Variants in SCLT1 observed in about 807,000 individuals in gnomAD.
SCLT1 encodes the protein sodium channel-associated protein 1.
Under a neutral mutation model 112.8 loss-of-function variants are expected in SCLT1, and 78 were observed. That is an observed-to-expected ratio of 0.69 (90% CI 0.58 to 0.83). The LOEUF (loss-of-function observed/expected upper bound fraction) is 0.83, where lower values mean the gene tolerates loss of function less well. Ranked by LOEUF, SCLT1 falls within the 40% of genes least tolerant of loss-of-function variation. The pLI is 0.00. For missense variants in SCLT1, 747 were observed against 770.4 expected, an observed-to-expected ratio of 0.97 and a Z score of 0.36; for synonymous variants, 257 against 254.7, an observed-to-expected ratio of 1.01 and a Z score of -0.09.
chr4:128,998,570 AATG>A (rs1265511030), intron 7 of SCLT1, among the ~76,000 whole-genome samples: 2 of 151,908 alleles, frequency 1.3e-5, no homozygotes. Flanking sequence ...ATAGTAAAAG[AATG>A]ATATTATTCA....
At chr4:129,039,627 C>T (rs115360243) in intron 4 of SCLT1, 3,727 of 157,126 alleles carry the variant, frequency 0.024, 72 homozygotes, top group South Asian at 0.077. Flanking sequence ...CCATACAAGG[C>T]GCTAAGGTAA....
intron 5 of SCLT1, among the ~76,000 whole-genome samples, chr4:129,025,789 T>C (rs1746005602): frequency 6.6e-6 from 1 of 151,934 alleles, no homozygotes; most frequent in Admixed American, 6.6e-5. Flanking sequence ...ATCAGTGTGC[T>C]GTATTCAGGA....
intron 17 of SCLT1, among the ~76,000 whole-genome samples, chr4:128,939,784 C>T (rs1232380285): frequency 3.3e-5 from 5 of 152,148 alleles, no homozygotes; most frequent in Non-Finnish European, 7.3e-5. Flanking sequence ...GCCAACTGAC[C>T]TCCCAATATC....
chr4:128,982,430 T>A (rs1579588889), intron 9 of SCLT1, among the ~76,000 whole-genome samples: 1 of 152,212 alleles, frequency 6.6e-6, no homozygotes, highest in African/African-American at 2.4e-5. Context: ...AATAAATTGA[T>A]TGGACAAATT....
intron 3 of SCLT1, 85 bp from the exon 4 acceptor site, chr4:129,043,552 A>C: frequency 1.6e-6 from 1 of 634,362 alleles, no homozygotes; most frequent in African/African-American, 1.9e-5. Context: ...TACACATAAA[A>C]ATTTTATGTT....
rs1748794515 is a variant in SCLT1, at chr4:129,051,564, C to T, written c.103-7513G>A. On this transcript the variant is annotated intron_variant, in intron 2 of 20. Transcript: ENST00000281142. ...GTGTAGAGGAATGCTTGGATTTTTG[C>T]ACATTGATTTTGTATCCTGAGACTT... 2.0e-5 allele frequency among the ~76,000 whole-genome samples: 3 copies of T among 152,120 alleles called. No homozygotes were observed. In the South Asian group the frequency reaches 6.2e-4, roughly 31 times the overall value.
chr4:129,091,279 T>C (rs545830457), intron 1 of SCLT1, among the ~76,000 whole-genome samples: 1 of 152,108 alleles, frequency 6.6e-6, no homozygotes, highest in East Asian at 1.9e-4. Flanking sequence ...AAATCAGTTA[T>C]TTTAAGCCTT....
At chr4:128,885,343 C>A (rs897922617) in intron 20 of SCLT1, among the ~76,000 whole-genome samples, 1 of 152,126 alleles carries the variant, frequency 6.6e-6, no homozygotes, top group Admixed American at 6.5e-5. Context: ...CAGATACAAC[C>A]ACTATTTCCA....
At chr4:128,983,879 T>C (rs1256534217) in intron 9 of SCLT1, among the ~76,000 whole-genome samples, 4 of 152,190 alleles carry the variant, frequency 2.6e-5, no homozygotes, top group Admixed American at 6.5e-5. Context: ...GGCATGGCTA[T>C]ATAGAGCATC....
intron 5 of SCLT1, among the ~76,000 whole-genome samples, chr4:129,021,023 A>C (rs1745423020): frequency 6.6e-6 from 1 of 152,194 alleles, no homozygotes; most frequent in African/African-American, 2.4e-5. Context: ...CGCAGAAGGA[A>C]GATGATTTCT....
Position 128,952,824 on chromosome 4 carries a change from T to G in SCLT1, c.1163A>C (p.Lys388Thr), listed in dbSNP as rs1432703968. ...RTKKEVANTK[K>T]QCNIQISRLT... ...TCGAGAAATTTGTATATTACATTGT[T>G]TTTTGGTGTTTGCAACCTGTAAATT... Residue 388 changes from lysine to threonine, a missense_variant, in exon 14 of 21, where the codon AAA becomes ACA. Around this residue, in one of 2 missense-constraint regions of SCLT1, gnomAD observed 723 missense variants for 721.3 expected, o/e 1.00. Transcript: ENST00000281142. The G allele has an allele frequency of 1.3e-6, 2 of 1,559,404 alleles. No homozygotes were observed. Among genetic ancestry groups the G allele is most frequent in the Admixed American group, 1.7e-5 (1 of 59,882 alleles).
intron 2 of SCLT1, among the ~76,000 whole-genome samples, chr4:129,060,172 CTGTT>C (rs1409550828): frequency 1.3e-5 from 2 of 152,088 alleles, no homozygotes; most frequent in East Asian, 1.9e-4. Flanking sequence ...GTTGAAGAAA[CTGTT>C]TGATTCATTT....
At position 128,923,444 on chromosome 4, in the gene SCLT1, C is replaced by CAAA. The variant is rs35945474; in HGVS notation, c.1829+13208_1829+13210dup. Among the ~76,000 whole-genome samples, 41 of 80,988 alleles carry CAAA rather than the reference C, an allele frequency of 5.1e-4. 1 individual carries two copies. The highest frequency in any genetic ancestry group is 8.4e-4 in the East Asian group (2 of 2,384). 53.1% of individuals were successfully genotyped at this position (80,988 alleles called of 152,430 possible). ...TGGGTGACAGAGTGAGACTCCATCT[C>CAAA]AAAAAAAAAAAAAAAAAAAAAGATA... On this transcript the variant is annotated intron_variant, in intron 18 of 20. Coordinates refer to ENST00000281142, the MANE Select transcript of SCLT1 (RefSeq NM_144643.4).
rs543526812 is a variant in SCLT1 at position 129,069,125 on chromosome 4, T to C, written c.102+13181A>G. ...TTTTGGGTTCTCTATTCCGTTCCAT[T>C]GGTCTATGTGCCTATTTTTATACCA... On this transcript the variant is annotated intron_variant, in intron 2 of 20. Coordinates refer to ENST00000281142, the MANE Select transcript of SCLT1 (RefSeq NM_144643.4). 5.3e-5 allele frequency among the ~76,000 whole-genome samples: 8 copies of C among 152,336 alleles called. No homozygotes were observed. The South Asian group carries it at 1.4e-3, about 28-fold the overall frequency.
chr4:129,064,346 C>G (rs1006218403), intron 2 of SCLT1, among the ~76,000 whole-genome samples: 1 of 152,000 alleles, frequency 6.6e-6, no homozygotes, highest in African/African-American at 2.4e-5. Context: ...ATTTATGGAC[C>G]TTGCTTTTTC....
chr4:129,006,702 G>A (rs1341167647), intron 5 of SCLT1, among the ~76,000 whole-genome samples: 1 of 151,982 alleles, frequency 6.6e-6, no homozygotes, highest in Non-Finnish European at 1.5e-5. Context: ...GTTTGCTTCA[G>A]TATCTGGCAT....
chr4:128,912,663 G>A (rs1735190461), intron 18 of SCLT1, among the ~76,000 whole-genome samples: 1 of 151,596 alleles, frequency 6.6e-6, no homozygotes, highest in Non-Finnish European at 1.5e-5. Context: ...TAAGTACATG[G>A]GCTTTTCTCT....
intron 3 of SCLT1, among the ~76,000 whole-genome samples, chr4:128,878,120 C>T (rs776509604): frequency 8.5e-5 from 13 of 152,086 alleles, no homozygotes; most frequent in Non-Finnish European, 7.4e-5. Flanking sequence ...ATTAAAGCTA[C>T]GTAAAACCTC....
intron 2 of SCLT1, among the ~76,000 whole-genome samples, chr4:129,073,379 C>A (rs1751191705): frequency 6.6e-6 from 1 of 152,140 alleles, no homozygotes; most frequent in African/African-American, 2.4e-5. Flanking sequence ...CTTGGGATGA[C>A]TGAACAGTTC....
Sources: allele counts gnomAD v4.1 joint callset (sites outside exome capture counted in the v4.1 genomes callset), GRCh38; gene constraint gnomAD v4.1.1; regional missense constraint gnomAD v4.1.1; transcripts MANE v1.5; gene names NCBI Gene and HGNC (gene_info 2026-07-23, HGNC 2026-07-21).